Variants in SV2C observed in about 807,000 individuals in gnomAD.
The protein encoded by SV2C is synaptic vesicle glycoprotein 2C.
In SV2C, 49 loss-of-function variants were observed where a neutral mutation model predicts 79.7. The observed-to-expected ratio is 0.61, with a 90% CI of 0.49 to 0.78. The LOEUF is 0.78. SV2C is among the 30% of genes least tolerant of loss of function. The probability of loss-of-function intolerance (pLI) is 0.00; values close to 1 mark genes in which losing one functional copy is unlikely to be tolerated. For synonymous variants in SV2C, 334 were observed against 333.2 expected, an observed-to-expected ratio of 1.00 and a Z score of -0.03; for missense variants, 833 against 912.9, an observed-to-expected ratio of 0.91 and a Z score of 1.13.
chr5:76,315,188 GCACACA>G (rs10606819), intron 12 of SV2C, among the ~76,000 whole-genome samples: 90 of 145,190 alleles, frequency 6.2e-4, no homozygotes, highest in South Asian at 2.7e-3. Context: ...ATGGCCAGGC[GCACACA>G]CACACACACA....
At chr5:75,964,547 T>C in the SV2C span, among the ~76,000 whole-genome samples, 1 of 152,178 alleles carries the variant, frequency 6.6e-6, no homozygotes, top group African/African-American at 2.4e-5. Context: ...GGTTTTAGCC[T>C]CCTTCTCAGT....
At chr5:75,952,343 C>T in the SV2C span, among the ~76,000 whole-genome samples, 1 of 151,058 alleles carries the variant, frequency 6.6e-6, no homozygotes, top group African/African-American at 2.4e-5. Context: ...CTTTCACTGG[C>T]TTCTCTTTCA....
chr5:76,139,449 T>A (rs17565960), intron 2 of SV2C, among the ~76,000 whole-genome samples: 17,816 of 152,254 alleles, frequency 0.12, 1,142 homozygotes, highest in Non-Finnish European at 0.14. Flanking sequence ...TGGCCAAAGA[T>A]TGCCAGTTTT....
At chr5:75,940,761 A>G in the SV2C span, among the ~76,000 whole-genome samples, 1 of 152,214 alleles carries the variant, frequency 6.6e-6, no homozygotes. Flanking sequence ...ACAAGATTGG[A>G]AGGTTAATGG....
At chr5:75,902,860 A>T in the SV2C span, among the ~76,000 whole-genome samples, 2 of 152,190 alleles carry the variant, frequency 1.3e-5, no homozygotes, top group Non-Finnish European at 2.9e-5. Flanking sequence ...TTGTATTGGG[A>T]AGCAAGTCTA....
chr5:76,156,776 T>C (rs1315718720), intron 2 of SV2C, among the ~76,000 whole-genome samples: 1 of 151,632 alleles, frequency 6.6e-6, no homozygotes, highest in Non-Finnish European at 1.5e-5. Flanking sequence ...ATAACTGAAA[T>C]GAAAAATTAA....
chr5:76,184,581 A>C (rs1743851272), intron 2 of SV2C, among the ~76,000 whole-genome samples: 1 of 152,196 alleles, frequency 6.6e-6, no homozygotes, highest in Non-Finnish European at 1.5e-5. Context: ...ATCATGGCAA[A>C]AGGCACCTCT....
At chr5:76,048,860 G>A in the SV2C span, among the ~76,000 whole-genome samples, 1 of 145,536 alleles carries the variant, frequency 6.9e-6, no homozygotes, top group Non-Finnish European at 1.5e-5. Flanking sequence ...AAAGGAAGGG[G>A]GTGAGAGAGA....
At chr5:76,101,164 G>A (rs1190214914) in intron 1 of SV2C, among the ~76,000 whole-genome samples, 1 of 152,044 alleles carries the variant, frequency 6.6e-6, no homozygotes, top group Non-Finnish European at 1.5e-5. Flanking sequence ...GATCCTCTTG[G>A]TCTGGGAGAG....
the SV2C span, among the ~76,000 whole-genome samples, chr5:76,040,389 G>C: frequency 6.6e-6 from 1 of 152,244 alleles, no homozygotes; most frequent in Non-Finnish European, 1.5e-5. Flanking sequence ...AATTACAAGA[G>C]AACTTTATTG....
the SV2C span, among the ~76,000 whole-genome samples, chr5:75,995,613 C>G: frequency 6.6e-6 from 1 of 152,214 alleles, no homozygotes; most frequent in Non-Finnish European, 1.5e-5. Flanking sequence ...ATTTTAAGAA[C>G]TATCCATCAC....
chr5:76,050,238 T>C, the SV2C span, among the ~76,000 whole-genome samples: 1 of 152,234 alleles, frequency 6.6e-6, no homozygotes, highest in Non-Finnish European at 1.5e-5. Flanking sequence ...TGAAAATGCT[T>C]AGTGTTAAAG....
chr5:76,074,703 A>G, the SV2C span, among the ~76,000 whole-genome samples: 1 of 152,212 alleles, frequency 6.6e-6, no homozygotes, highest in Non-Finnish European at 1.5e-5. Flanking sequence ...AGAGGAGGCT[A>G]GAGACCTCTT....
At position 76,157,408 on chromosome 5, in the gene SV2C, CT is replaced by C. The variant is rs573921944; in HGVS notation, c.580+25079del. On this transcript the variant is annotated intron_variant, in intron 2 of 12. Coordinates refer to ENST00000502798, the MANE Select transcript of SV2C (RefSeq NM_014979.4). ...TAACAGATCTGCCTTACAAGAAATG[CT>C]AAAGTTATTTAGTCTGAAAGCAAGT... Among the ~76,000 whole-genome samples, 113 of 151,996 alleles carry C rather than the reference CT, an allele frequency of 7.4e-4. 2 individuals carry two copies. In the South Asian group the frequency reaches 0.022, roughly 30 times the overall value.
chr5:76,167,336 T>C (rs4309948), intron 2 of SV2C, among the ~76,000 whole-genome samples: 69,908 of 152,068 alleles, frequency 0.46, 16,333 homozygotes, highest in South Asian at 0.51. Flanking sequence ...CACACGTCCC[T>C]TTTAGCTCTG....
At chr5:76,286,933 C>T (rs987745592) in intron 6 of SV2C, 8 of 152,192 alleles carry the variant, frequency 5.3e-5, no homozygotes, top group Non-Finnish European at 7.3e-5. Context: ...GTCCCTCCCA[C>T]AACACGTGGG....
the SV2C span, among the ~76,000 whole-genome samples, chr5:75,862,425 A>C: frequency 6.6e-6 from 1 of 152,204 alleles, no homozygotes; most frequent in East Asian, 1.9e-4. Context: ...AAAAAACATA[A>C]TGATTTAGTG....
At chr5:75,875,881 T>C in the SV2C span, among the ~76,000 whole-genome samples, 3 of 152,114 alleles carry the variant, frequency 2.0e-5, no homozygotes, top group South Asian at 2.1e-4. Flanking sequence ...TGAGATACCA[T>C]TGCATACCAG....
chr5:75,858,779 CT>C, the SV2C span, among the ~76,000 whole-genome samples: 1 of 152,128 alleles, frequency 6.6e-6, no homozygotes, highest in Non-Finnish European at 1.5e-5. Context: ...AATCTTGTTG[CT>C]TGTTATTGGT....
Sources: allele counts gnomAD v4.1 joint callset (sites outside exome capture counted in the v4.1 genomes callset), GRCh38; gene constraint gnomAD v4.1.1; transcripts MANE v1.5; gene names NCBI Gene and HGNC (gene_info 2026-07-23, HGNC 2026-07-21).